Variants in FAM184A observed in about 807,000 individuals in gnomAD.
FAM184A encodes family with sequence similarity 184 member A, also known as protein FAM184A.
A neutral mutation model predicts 143.8 loss-of-function variants in FAM184A; 99 were observed. The ratio of observed to expected loss-of-function variants is 0.69; its 90% CI spans 0.58 to 0.81. FAM184A has a LOEUF of 0.81. FAM184A is among the 40% of genes least tolerant of loss of function. FAM184A has a pLI of 0.00. For missense variants in FAM184A, 1,217 were observed against 1,310.5 expected, an observed-to-expected ratio of 0.93 and a Z score of 1.10; for synonymous variants, 427 against 446.4, an observed-to-expected ratio of 0.96 and a Z score of 0.55.
At chr6:119,041,255 T>C (rs970878269) in intron 1 of FAM184A, among the ~76,000 whole-genome samples, 12 of 151,870 alleles carry the variant, frequency 7.9e-5, no homozygotes, top group African/African-American at 2.9e-4. Context: ...TGAAGGGTGG[T>C]CCCAAGCTAA....
chr6:119,011,967 G>A (rs1785104278), intron 5 of FAM184A, among the ~76,000 whole-genome samples: 2 of 152,190 alleles, frequency 1.3e-5, no homozygotes, highest in South Asian at 2.1e-4. Context: ...TATGGAGCCT[G>A]CCCTTAATAA....
intron 1 of FAM184A, among the ~76,000 whole-genome samples, chr6:119,140,957 A>G (rs2114890474): frequency 6.6e-6 from 1 of 152,356 alleles, no homozygotes; most frequent in African/African-American, 2.4e-5. Context: ...AGCATTAAGC[A>G]GGCGTTGACA....
At chr6:119,020,209 G>A in intron 3 of FAM184A, 50 bp from the exon 4 acceptor site, 1 of 1,375,486 alleles carries the variant, frequency 7.3e-7, no homozygotes, top group Non-Finnish European at 9.6e-7. Context: ...GTTGTACTAT[G>A]AGATAAACAG....
intron 1 of FAM184A, among the ~76,000 whole-genome samples, chr6:119,089,094 C>T (rs1562145735): frequency 6.6e-6 from 1 of 150,890 alleles, no homozygotes; most frequent in Non-Finnish European, 1.5e-5. Flanking sequence ...TTCTCTGTCA[C>T]CCAGGCAGGA....
At chr6:119,049,876 CTA>C (rs1406451651) in intron 1 of FAM184A, among the ~76,000 whole-genome samples, 1 of 152,140 alleles carries the variant, frequency 6.6e-6, no homozygotes, top group Non-Finnish European at 1.5e-5. Context: ...GCAAAAGAAA[CTA>C]TCATTAGAGT....
chr6:118,976,279 G>A (rs547638773), intron 11 of FAM184A, among the ~76,000 whole-genome samples: 7 of 152,138 alleles, frequency 4.6e-5, no homozygotes, highest in African/African-American at 4.8e-5. Flanking sequence ...ATGTTTAAGC[G>A]GATCAAGGTA....
At chr6:119,005,792 A>G (rs1470766069) in intron 7 of FAM184A, 3 of 336,332 alleles carry the variant, frequency 8.9e-6, no homozygotes, top group South Asian at 8.1e-5. Flanking sequence ...TTTCTCTACT[A>G]TCTAAGACAA....
At chr6:119,064,726 C>G (rs1279852350) in intron 1 of FAM184A, among the ~76,000 whole-genome samples, 4 of 152,032 alleles carry the variant, frequency 2.6e-5, no homozygotes, top group Admixed American at 2.0e-4. Flanking sequence ...CAACAAAAAA[C>G]TGATACCAAA....
chr6:119,133,820 C>T (rs147068266), intron 1 of FAM184A, among the ~76,000 whole-genome samples: 205 of 151,868 alleles, frequency 1.3e-3, no homozygotes, highest in African/African-American at 3.9e-3. Flanking sequence ...ATTATTATTA[C>T]GATTTTTAAT....
intron 1 of FAM184A, among the ~76,000 whole-genome samples, chr6:119,074,043 T>C (rs1334927): frequency 0.065 from 9,829 of 152,214 alleles, 699 homozygotes; most frequent in African/African-American, 0.18. Flanking sequence ...GAATTCTCAC[T>C]GTCAAGGAAT....
chr6:119,115,499 A>G (rs1789032333), intron 1 of FAM184A, among the ~76,000 whole-genome samples: 1 of 152,188 alleles, frequency 6.6e-6, no homozygotes, highest in South Asian at 2.1e-4. Flanking sequence ...CGAGACCACC[A>G]TGGGCAAAAT....
intron 1 of FAM184A, among the ~76,000 whole-genome samples, chr6:119,036,047 A>C (rs1242712120): frequency 6.6e-6 from 1 of 152,174 alleles, no homozygotes; most frequent in African/African-American, 2.4e-5. Flanking sequence ...ATTAATATAA[A>C]ATATTGAGTC....
intron 2 of FAM184A, among the ~76,000 whole-genome samples, chr6:119,023,740 C>G (rs1316177724): frequency 6.7e-6 from 1 of 149,378 alleles, no homozygotes; most frequent in Non-Finnish European, 1.5e-5. Flanking sequence ...CCCCTAATAT[C>G]TGAAAGTCTG....
At chr6:119,100,845 G>A (rs1788619732) in intron 1 of FAM184A, among the ~76,000 whole-genome samples, 1 of 151,828 alleles carries the variant, frequency 6.6e-6, no homozygotes, top group Non-Finnish European at 1.5e-5. Context: ...TATAGTCCCA[G>A]CTACTTGGGA....
chr6:118,966,816 T>C lies in FAM184A; in HGVS notation c.3033+19A>G, dbSNP rs367647436. 1.0e-5 allele frequency: 14 copies of C among 1,386,940 alleles called. No homozygotes were observed. Among genetic ancestry groups the C allele is most frequent in the African/African-American group, 1.4e-5 (1 of 69,430 alleles). The allele number at this position is 1,386,940 out of a possible 1,614,324, so 85.9% of individuals were successfully genotyped here. A position where few individuals can be genotyped will look rare whatever the true frequency, so the allele number is the denominator to read the frequency against. On this transcript the variant is annotated intron_variant, in intron 15 of 17. Coordinates refer to ENST00000338891, the MANE Select transcript of FAM184A (RefSeq NM_024581.6). ...CTATTGATTACTAACATGGTTAGAC[T>C]AAAACCAAAATATCTTACAATTAGT...
chr6:119,067,267 G>A (rs959840013), intron 1 of FAM184A, among the ~76,000 whole-genome samples: 5 of 152,308 alleles, frequency 3.3e-5, no homozygotes, highest in African/African-American at 1.2e-4. Context: ...TCATCTGAGG[G>A]TGTTTACTGA....
chr6:119,065,158 A>G (rs1207821760), intron 1 of FAM184A, among the ~76,000 whole-genome samples: 1 of 152,188 alleles, frequency 6.6e-6, no homozygotes, highest in Admixed American at 6.5e-5. Flanking sequence ...AATAGAATAC[A>G]GCAAAGATGA....
intron 1 of FAM184A, among the ~76,000 whole-genome samples, chr6:119,075,978 T>C (rs181145765): frequency 2.6e-5 from 4 of 152,232 alleles, no homozygotes; most frequent in Admixed American, 2.0e-4. Context: ...TCTTAGTAAA[T>C]AAAAGCAGGA....
intron 1 of FAM184A, among the ~76,000 whole-genome samples, chr6:119,127,414 G>C (rs562404591): frequency 6.6e-6 from 1 of 152,180 alleles, no homozygotes; most frequent in Non-Finnish European, 1.5e-5. Flanking sequence ...TCTGACAGGG[G>C]AAAAGAGTAG....
Sources: allele counts gnomAD v4.1 joint callset (sites outside exome capture counted in the v4.1 genomes callset), GRCh38; gene constraint gnomAD v4.1.1; transcripts MANE v1.5; gene names NCBI Gene and HGNC (gene_info 2026-07-23, HGNC 2026-07-21).